Variants in SEC24A observed in about 807,000 individuals in gnomAD.
SEC24A encodes the protein protein transport protein Sec24A.
In SEC24A, 93 loss-of-function variants were observed where a neutral mutation model predicts 129.4. That is an observed-to-expected ratio of 0.72 (90% CI 0.61 to 0.85). The LOEUF (loss-of-function observed/expected upper bound fraction) is 0.85. Ranked by LOEUF, SEC24A falls within the 40% of genes least tolerant of loss-of-function variation. The pLI, the probability that SEC24A is intolerant of heterozygous loss-of-function variation, is 0.00. For synonymous variants in SEC24A, 460 were observed against 467.3 expected (o/e 0.98, Z 0.20); for missense variants, 1,264 against 1,307.4 (o/e 0.97, Z 0.51).
At position 134,653,681 on chromosome 5, in the gene SEC24A, A is replaced by G. The variant is rs189746401; in HGVS notation, c.97+4508A>G. On this transcript the variant is annotated intron_variant, in intron 1 of 22. Transcript: ENST00000398844. ...AGAATTCAAGACCACCCTCGGCAAC[A>G]TAGTGAGAACCTGTCTCTACAAAGA... Among the ~76,000 whole-genome samples the G allele has an allele frequency of 1.3e-4, 20 of 151,846 alleles. No homozygotes were observed. In the East Asian group the frequency reaches 2.1e-3, roughly 16 times the overall value.
At position 134,675,319 on chromosome 5, in the gene SEC24A, ATGAAAG is replaced by A. The variant is rs1561811055; in HGVS notation, c.1151+104_1151+109del. 5 of 870,626 alleles carry A rather than the reference ATGAAAG, an allele frequency of 5.7e-6. No homozygotes were observed. The African/African-American group carries it at 8.4e-5, about 15-fold the overall frequency. 53.9% of individuals were successfully genotyped at this position (870,626 alleles called of 1,614,324 possible). On this transcript the variant is annotated intron_variant, in intron 6 of 22. Transcript: ENST00000398844. ...AATAAGCTGTACAAATTATTAATTT[ATGAAAG>A]TTCTGGATACAGATGATAGAACTCT... is the stretch of plus-strand genomic sequence containing the variant.
rs70976552 is a variant in SEC24A at position 134,664,792 on chromosome 5, CTTTTTT to C, written c.566-2012_566-2007del. Among the ~76,000 whole-genome samples, 12 of 86,190 alleles carry C rather than the reference CTTTTTT, an allele frequency of 1.4e-4. No individual in the cohort carries two copies. The South Asian group carries it at 2.5e-3, about 18-fold the overall frequency. The allele number at this position is 86,190 out of a possible 152,430, so 56.5% of individuals were successfully genotyped here. A position where few individuals can be genotyped will look rare whatever the true frequency, so the allele number is the denominator to read the frequency against. ...TCAGTAATAGGCAATTTTTCTTTTT[CTTTTTT>C]TTTTTTTTTTTTTTTTTTGAGACGG... is the stretch of plus-strand genomic sequence containing the variant. On this transcript the variant is annotated intron_variant, in intron 2 of 22. Transcript: ENST00000398844.
At chr5:134,677,468 A>AT (rs370010622) in intron 7 of SEC24A, among the ~76,000 whole-genome samples, 1,694 of 132,090 alleles carry the variant, frequency 0.013, 19 homozygotes, top group African/African-American at 0.021. Flanking sequence ...GCCTGTATTG[A>AT]TTTTTTTTTT....
intron 4 of SEC24A, 137 bp downstream of exon 4, chr5:134,672,023 A>G: frequency 1.7e-6 from 1 of 592,214 alleles, no homozygotes; most frequent in Non-Finnish European, 2.9e-6. Context: ...TAACTTATTT[A>G]TTTATTTATT....
At chr5:134,701,549 C>T (rs1580727298) in intron 15 of SEC24A, among the ~76,000 whole-genome samples, 1 of 149,500 alleles carries the variant, frequency 6.7e-6, no homozygotes, top group Non-Finnish European at 1.5e-5. Context: ...CTCGGTCTGT[C>T]GTCCAGGCTG....
At chr5:134,673,134 C>T (rs1433965541) in intron 4 of SEC24A, among the ~76,000 whole-genome samples, 4 of 148,566 alleles carry the variant, frequency 2.7e-5, no homozygotes, top group Non-Finnish European at 5.9e-5. Flanking sequence ...TGGCTCACTG[C>T]AACCTCCAAC....
chr5:134,705,066 A>ATT (rs1752111743), intron 16 of SEC24A, among the ~76,000 whole-genome samples: 1 of 124,968 alleles, frequency 8.0e-6, no homozygotes, highest in Non-Finnish European at 1.7e-5. Context: ...ATTTATATTT[A>ATT]TATTTATATA....
chr5:134,680,089 A>G (rs1335110222), intron 8 of SEC24A, among the ~76,000 whole-genome samples: 1 of 152,174 alleles, frequency 6.6e-6, no homozygotes, highest in Non-Finnish European at 1.5e-5. Context: ...AAGTCCACAG[A>G]ATAGCTGCCC....
intron 3 of SEC24A, 92 bp downstream of exon 3, chr5:134,667,088 T>C (rs1330137881): frequency 9.6e-6 from 11 of 1,146,536 alleles, no homozygotes; most frequent in Non-Finnish European, 1.3e-5. Flanking sequence ...TAAAATCACA[T>C]TTTTTCCAGA....
intron 18 of SEC24A, 146 bp from the exon 19 acceptor site, chr5:134,714,878 C>T: frequency 1.2e-6 from 1 of 805,974 alleles, no homozygotes; most frequent in South Asian, 1.9e-5. Flanking sequence ...ATGTGTGTGA[C>T]TTCTTAAAAA....
chr5:134,713,549 G>A (rs79304806), intron 18 of SEC24A, among the ~76,000 whole-genome samples: 1,830 of 152,142 alleles, frequency 0.012, 37 homozygotes, highest in African/African-American at 0.042. Context: ...ACAGTTCCTA[G>A]TATATAATAG....
At chr5:134,716,405 G>T (rs891582229) in intron 19 of SEC24A, among the ~76,000 whole-genome samples, 1 of 150,670 alleles carries the variant, frequency 6.6e-6, no homozygotes, top group Non-Finnish European at 1.5e-5. Flanking sequence ...GGAGGCGGAG[G>T]TTGCAGTGAG....
In SEC24A at chr5:134,688,221, T is replaced by A; in HGVS notation, c.1645T>A (p.Phe549Ile). The part of the protein sequence containing the change: ...NTRTKIGFIT[F>I]DSTIHFYGLQ... ...TAGAACAAAAATTGGCTTCATAACA[T>A]TTGACAGTACAATCCATTTCTACGG... Residue 549 changes from phenylalanine (F) to isoleucine (I), a missense_variant, in exon 11 of 23, where the codon TTT becomes ATT. Coordinates refer to ENST00000398844, the MANE Select transcript of SEC24A (RefSeq NM_021982.3). The A allele has an allele frequency of 6.2e-7, 1 of 1,613,296 alleles. No homozygotes were observed. Among genetic ancestry groups the A allele is most frequent in the Non-Finnish European group, 8.5e-7 (1 of 1,179,394 alleles).
intron 17 of SEC24A, among the ~76,000 whole-genome samples, chr5:134,707,804 G>C (rs547256560): frequency 1.2e-4 from 18 of 152,090 alleles, no homozygotes; most frequent in African/African-American, 3.6e-4. Flanking sequence ...TTAGTTATTT[G>C]AGAAGTCTTC....
intron 17 of SEC24A, among the ~76,000 whole-genome samples, chr5:134,705,812 T>C (rs1049039868): frequency 6.6e-6 from 1 of 152,084 alleles, no homozygotes; most frequent in African/African-American, 2.4e-5. Flanking sequence ...CCTCCCTTAC[T>C]GGCCTTAAGT....
intron 18 of SEC24A, among the ~76,000 whole-genome samples, chr5:134,712,646 C>G (rs1752360984): frequency 6.6e-6 from 1 of 151,462 alleles, no homozygotes. Context: ...TGAGACTAGT[C>G]TGGCTCTTGT....
chr5:134,703,015 C>G (rs1461489529), intron 15 of SEC24A, among the ~76,000 whole-genome samples: 1 of 151,958 alleles, frequency 6.6e-6, no homozygotes, highest in East Asian at 1.9e-4. Context: ...TCTGCCTGCA[C>G]CAGCCTCCGA....
At chr5:134,705,092 T>TA (rs1561828092) in intron 16 of SEC24A, among the ~76,000 whole-genome samples, 3,188 of 106,060 alleles carry the variant, frequency 0.03, 52 homozygotes, top group African/African-American at 0.061. Flanking sequence ...ATATATATAT[T>TA]TTTTTTTTTT....
chr5:134,687,498 T>C (rs551812320), intron 10 of SEC24A, among the ~76,000 whole-genome samples: 2 of 152,220 alleles, frequency 1.3e-5, no homozygotes, highest in Non-Finnish European at 2.9e-5. Flanking sequence ...CCATCAAAGC[T>C]AATGTGACCT....
Sources: allele counts gnomAD v4.1 joint callset (sites outside exome capture counted in the v4.1 genomes callset), GRCh38; gene constraint gnomAD v4.1.1; transcripts MANE v1.5; gene names NCBI Gene and HGNC (gene_info 2026-07-23, HGNC 2026-07-21).